The following SLC44A5 variants were observed in gnomAD, a reference collection of about 807,000 sequenced individuals.
The protein encoded by SLC44A5 is solute carrier family 44 member 5.
A neutral mutation model predicts 101.8 loss-of-function variants in SLC44A5; 57 were observed. That is an observed-to-expected ratio of 0.56 (90% CI 0.45 to 0.70). The LOEUF (loss-of-function observed/expected upper bound fraction) is 0.70. SLC44A5 is among the 30% of genes least tolerant of loss of function. The pLI is 0.00. For missense variants in SLC44A5, 737 were observed against 853.1 expected, an observed-to-expected ratio of 0.86 and a Z score of 1.70; for synonymous variants, 281 against 290.9, an observed-to-expected ratio of 0.97 and a Z score of 0.35.
chr1:75,566,260 A>G (rs1289407440), intron 1 of SLC44A5, among the ~76,000 whole-genome samples: 1 of 152,210 alleles, frequency 6.6e-6, no homozygotes, highest in Admixed American at 6.5e-5. Context: ...GCACCACCTC[A>G]AGCCAGTTTA....
At chr1:75,429,962 A>G (rs760079367) in intron 2 of SLC44A5, among the ~76,000 whole-genome samples, 1 of 152,160 alleles carries the variant, frequency 6.6e-6, no homozygotes, top group Non-Finnish European at 1.5e-5. Flanking sequence ...AAATAGATAA[A>G]ATCATGGCCC....
chr1:75,541,175 C>T (rs1212152699), intron 2 of SLC44A5, among the ~76,000 whole-genome samples: 3 of 152,074 alleles, frequency 2.0e-5, no homozygotes, highest in Non-Finnish European at 2.9e-5. Context: ...ACCACATACC[C>T]CCAGCTTGCC....
chr1:75,443,973 T>C (rs1665355503), intron 2 of SLC44A5, among the ~76,000 whole-genome samples: 2 of 152,082 alleles, frequency 1.3e-5, no homozygotes, highest in South Asian at 4.1e-4. Flanking sequence ...AGAACAATTA[T>C]ACATATGGCA....
At chr1:75,460,423 TA>T (rs1666436136) in intron 2 of SLC44A5, among the ~76,000 whole-genome samples, 1 of 152,170 alleles carries the variant, frequency 6.6e-6, no homozygotes, top group African/African-American at 2.4e-5. Flanking sequence ...GCTCTAAAGA[TA>T]AAATGTTTAC....
chr1:75,432,285 C>T (rs961321949), intron 2 of SLC44A5, among the ~76,000 whole-genome samples: 1 of 152,132 alleles, frequency 6.6e-6, no homozygotes, highest in Non-Finnish European at 1.5e-5. Flanking sequence ...AGAAACCAAG[C>T]TTCTTTTATC....
chr1:75,217,977 T>C lies in SLC44A5; in HGVS notation c.1530-17A>G, dbSNP rs1288023367. 6.7e-7 allele frequency: 1 copy of C among 1,489,838 alleles called. No homozygotes were observed. Among genetic ancestry groups the C allele is most frequent in the Non-Finnish European group, 9.3e-7 (1 of 1,070,282 alleles). 92.3% of individuals were successfully genotyped at this position (1,489,838 alleles called of 1,614,324 possible). On this transcript the variant is annotated splice_polypyrimidine_tract_variant and intron_variant, in intron 17 of 23. Transcript: ENST00000370859. ...GTGTGATATCTGCACAAAAATAAAA[T>C]GAGAATAAGTTAAAACTTAATACTA... is the stretch of plus-strand genomic sequence containing the variant.
At chr1:75,665,630 C>T in the SLC44A5 span, among the ~76,000 whole-genome samples, 2 of 152,072 alleles carry the variant, frequency 1.3e-5, no homozygotes, top group Admixed American at 6.6e-5. Flanking sequence ...ACCTTCTGCA[C>T]AGCAAAAGAA....
chr1:75,216,574 T>TCCAATTTCTCCA (rs1553141959), intron 18 of SLC44A5, among the ~76,000 whole-genome samples: 3 of 151,978 alleles, frequency 2.0e-5, no homozygotes, highest in Non-Finnish European at 4.4e-5. Flanking sequence ...TACACAGGGT[T>TCCAATTTCTCCA]CCAATTTCTC....
At chr1:75,339,543 T>C (rs1241527829) in intron 4 of SLC44A5, 39 bp downstream of exon 4, 1 of 1,560,082 alleles carries the variant, frequency 6.4e-7, no homozygotes, top group South Asian at 1.2e-5. Flanking sequence ...TTTCTGTGTA[T>C]GTTTAAAAAA....
chr1:75,526,862 C>CG (rs1236466830), intron 2 of SLC44A5, among the ~76,000 whole-genome samples: 1 of 152,062 alleles, frequency 6.6e-6, no homozygotes, highest in African/African-American at 2.4e-5. Context: ...AGGCTGGGTG[C>CG]GGTGGCTCAC....
At chr1:75,597,863 T>A (rs1326684884) in intron 1 of SLC44A5, among the ~76,000 whole-genome samples, 1 of 152,064 alleles carries the variant, frequency 6.6e-6, no homozygotes, top group East Asian at 1.9e-4. Context: ...GCATTACCAT[T>A]CAGAATATAG....
At chr1:75,584,993 A>G (rs1673914192) in intron 1 of SLC44A5, among the ~76,000 whole-genome samples, 1 of 152,228 alleles carries the variant, frequency 6.6e-6, no homozygotes, top group Admixed American at 6.5e-5. Context: ...TTTTATACAT[A>G]AATATGTGAT....
chr1:75,465,961 A>T (rs1173733632), intron 2 of SLC44A5, among the ~76,000 whole-genome samples: 1 of 152,208 alleles, frequency 6.6e-6, no homozygotes, highest in Non-Finnish European at 1.5e-5. Flanking sequence ...AAGAAAAGCT[A>T]ATATCGATTT....
chr1:75,543,588 TAA>T (rs1362968454), intron 1 of SLC44A5, among the ~76,000 whole-genome samples: 4 of 103,992 alleles, frequency 3.8e-5, no homozygotes, highest in Non-Finnish European at 6.4e-5. Context: ...TATATATATA[TAA>T]ATAAATATAT....
At chr1:75,370,443 T>C (rs1180847004) in intron 3 of SLC44A5, among the ~76,000 whole-genome samples, 1 of 152,190 alleles carries the variant, frequency 6.6e-6, no homozygotes, top group Non-Finnish European at 1.5e-5. Flanking sequence ...CCACAGTTTC[T>C]TATTGCAAAG....
In SLC44A5 at chr1:75,562,808, T is replaced by G. The variant is rs117887820; in HGVS notation, c.-69-21292A>C. ...TCTCTCTTTCAAATGGGTGATCACT[T>G]ATCTTTCTTAGTGGTCTATTATTTT... On this transcript the variant is annotated intron_variant, in intron 1 of 23. Coordinates refer to ENST00000370859, the MANE Select transcript of SLC44A5 (RefSeq NM_001130058.2). Among the ~76,000 whole-genome samples, 17 of 152,286 alleles carry G rather than the reference T, an allele frequency of 1.1e-4. No homozygotes were observed. The East Asian group carries it at 2.7e-3, about 24-fold the overall frequency.
chr1:75,511,761 C>A (rs1326623838), intron 2 of SLC44A5, among the ~76,000 whole-genome samples: 2 of 152,182 alleles, frequency 1.3e-5, no homozygotes, highest in African/African-American at 4.8e-5. Flanking sequence ...AATAAATTAT[C>A]TTTCCAAGCA....
chr1:75,561,547 A>C (rs1413927146), intron 1 of SLC44A5, among the ~76,000 whole-genome samples: 1 of 152,186 alleles, frequency 6.6e-6, no homozygotes, highest in African/African-American at 2.4e-5. Context: ...TCAATATCAT[A>C]GGTATTCAAT....
chr1:75,631,707 T>C, the SLC44A5 span, among the ~76,000 whole-genome samples: 10 of 151,966 alleles, frequency 6.6e-5, 1 homozygote, highest in Admixed American at 5.2e-4. Flanking sequence ...CAGCTAATTT[T>C]TGTATTTTTA....
Sources: gnomAD v4.1 joint callset for allele counts (sites outside exome capture counted in the v4.1 genomes callset) on GRCh38, gnomAD v4.1.1 for gene constraint, MANE v1.5 for transcripts, NCBI Gene and HGNC (gene_info 2026-07-23, HGNC 2026-07-21) for gene names.